Variants in ZNF287 observed in about 807,000 individuals in gnomAD.
ZNF287 encodes the protein zinc finger protein with KRAB and SCAN domains 13.
A neutral mutation model predicts 73.7 loss-of-function variants in ZNF287; 31 were observed. The ratio of observed to expected loss-of-function variants is 0.42; its 90% CI spans 0.32 to 0.57. The LOEUF is 0.57. Ranked by LOEUF, ZNF287 falls within the 20% of genes least tolerant of loss-of-function variation. The probability of loss-of-function intolerance (pLI) is 0.13; values close to 1 mark genes in which losing one functional copy is unlikely to be tolerated. For synonymous variants in ZNF287, 301 were observed against 307.2 expected, an observed-to-expected ratio of 0.98 and a Z score of 0.21; for missense variants, 641 against 909.3, an observed-to-expected ratio of 0.70 and a Z score of 3.79.
At position 16,567,375 on chromosome 17, in the gene ZNF287, T is replaced by C. The variant is rs548998354; in HGVS notation, c.357A>G (p.Glu119=). The C allele has an allele frequency of 1.4e-4, 226 of 1,614,160 alleles. 3 individuals carry two copies. The South Asian group carries it at 2.4e-3, about 17-fold the overall frequency. The change falls in exon 2 of 6, where the codon GAA becomes GAG. Residue 119 remains glutamate, a synonymous_variant. Coordinates refer to ENST00000395825, the MANE Select transcript of ZNF287 (RefSeq NM_020653.4). ...TCAAATCCTCCACCAGAGTCACTGCTTCCTCGCTGCTCTCTGGATACTGGG... is the reference window on the plus strand; with the variant it reads ...TCAAATCCTCCACCAGAGTCACTGCCTCCTCGCTGCTCTCTGGATACTGGG... ...VKSQYPESSE[E]AVTLVEDLTQ... is the part of the protein sequence containing the mutation.
chr17:16,567,969 G>A (rs1818867858), intron 1 of ZNF287, 40 bp from the exon 2 acceptor site: 12 of 1,384,484 alleles, frequency 8.7e-6, no homozygotes, highest in Non-Finnish European at 1.1e-5. Context: ...AGAATCCCTG[G>A]TGTACTCTAC....
Position 16,548,131 on chromosome 17 carries a change from A to G in ZNF287, c.*3725T>C, listed in dbSNP as rs942500585. Among the ~76,000 whole-genome samples, 27 of 152,330 alleles carry G rather than the reference A, an allele frequency of 1.8e-4. No homozygotes were observed. Among genetic ancestry groups the G allele is most frequent in the African/African-American group, 5.3e-4 (22 of 41,578 alleles). On this transcript the variant is annotated 3_prime_UTR_variant, in exon 6 of 6. Coordinates refer to ENST00000395825, the MANE Select transcript of ZNF287 (RefSeq NM_020653.4). The stretch of plus-strand genomic sequence containing the variant: ...ATTGATGAGACAATGGATTCAGGCA[A>G]CGATCACCGTTGGTTACTTTTTACC...
At position 16,551,973 on chromosome 17, in the gene ZNF287, C is replaced by G. The variant is rs150590736; in HGVS notation, c.2169G>C (p.Gln723His). 2 of 1,614,060 alleles carry G rather than the reference C, an allele frequency of 1.2e-6. No individual in the cohort carries two copies. The highest frequency in any genetic ancestry group is 1.7e-6 in the Non-Finnish European group (2 of 1,179,982). ...AGGGTTTCTCTCCTGTGTGAATTCT[C>G]TGGTGTTGAATAAGGCATGTTCTCT... Reference protein sequence around the residue: ...FSQRTCLIQHQRIHTGEKPYA... With the variant: ...FSQRTCLIQHHRIHTGEKPYA... The change falls in exon 6 of 6, where the codon CAG becomes CAC. Residue 723 changes from glutamine to histidine, a missense_variant. Coordinates refer to ENST00000395825, the MANE Select transcript of ZNF287 (RefSeq NM_020653.4).
At chr17:16,567,984 C>T in intron 1 of ZNF287, 55 bp from the exon 2 acceptor site, 1 of 1,310,938 alleles carries the variant, frequency 7.6e-7, no homozygotes, top group South Asian at 2.1e-5. Context: ...CTCTACTATA[C>T]ATATACACAC....
rs766160683 is a variant in ZNF287, at chr17:16,566,626, G to A, written c.404-4C>T. ...GAAAGGGTAGAGTTTTGAGGAGCTAGAGAAGAGAAAGAGGTCATGAGGGAG... is the reference window on the plus strand; with the variant it reads ...GAAAGGGTAGAGTTTTGAGGAGCTAAAGAAGAGAAAGAGGTCATGAGGGAG... On this transcript the variant is annotated splice_polypyrimidine_tract_variant and splice_region_variant and intron_variant, in intron 2 of 5. Coordinates refer to ENST00000395825, the MANE Select transcript of ZNF287 (RefSeq NM_020653.4). 6.2e-7 allele frequency: 1 copy of A among 1,608,346 alleles called. No individual in the cohort carries two copies. Among genetic ancestry groups the A allele is most frequent in the African/African-American group, 1.3e-5 (1 of 74,784 alleles).
At chr17:16,566,452 A>G in intron 3 of ZNF287, 73 bp downstream of exon 3, 1 of 1,275,796 alleles carries the variant, frequency 7.8e-7, no homozygotes. Flanking sequence ...CACAGTAGTT[A>G]TAGGGCCAGG....
chr17:16,551,110 T>C lies in ZNF287; in HGVS notation c.*746A>G, dbSNP rs1299685292. Among the ~76,000 whole-genome samples the C allele has an allele frequency of 2.0e-5, 3 of 152,204 alleles. 1 individual carries two copies. Among genetic ancestry groups the C allele is most frequent in the Admixed American group, 2.0e-4 (3 of 15,282 alleles). ...TCTTTAAGATACTTCCAACTGTTTT[T>C]TTTTCAAACCTACTGGCTCCATATG... On this transcript the variant is annotated 3_prime_UTR_variant, in exon 6 of 6. Coordinates refer to ENST00000395825, the MANE Select transcript of ZNF287 (RefSeq NM_020653.4).
chr17:16,552,381 AGTGTGAGTGGT>A lies in ZNF287; in HGVS notation c.1750_1760del (p.Thr584TrpfsTer8). On this transcript the variant is annotated frameshift_variant, in exon 6 of 6. Coordinates refer to ENST00000395825, the MANE Select transcript of ZNF287 (RefSeq NM_020653.4). LOFTEE classifies it high-confidence loss of function. This position sits in a 1 kb window ranked among gnomAD's most constrained non-coding sequence, Gnocchi z 6.5. ...TATTACATATATAGGATTTCTCTCC[AGTGTGAGTGGT>A]TTGATGTTGAATAAGGGTTGAGGAA... is the stretch of plus-strand genomic sequence containing the variant. 6.2e-7 allele frequency: 1 copy of A among 1,614,032 alleles called. No homozygotes were observed. The highest frequency in any genetic ancestry group is 8.5e-7 in the Non-Finnish European group (1 of 1,179,972).
rs1413456796 is a variant in ZNF287, at chr17:16,567,717, G to A, written c.15C>T (p.Ser5=). The A allele has an allele frequency of 2.5e-6, 4 of 1,610,186 alleles. No individual in the cohort carries two copies. The highest frequency in any genetic ancestry group is 4.5e-5 in the East Asian group (2 of 44,812). The change falls in exon 2 of 6, where the codon AGC becomes AGT. Residue 5 remains serine (S), a synonymous_variant. Coordinates refer to ENST00000395825, the MANE Select transcript of ZNF287 (RefSeq NM_020653.4). MLAS[S]KRMNSSSRSQ... ...AACGTGAAGAACTGTTCATCCTCTT[G>A]CTTGAGGCTAACATTGCTACAGACA...
At chr17:16,568,059 A>T in intron 1 of ZNF287, 130 bp from the exon 2 acceptor site, 1 of 879,942 alleles carries the variant, frequency 1.1e-6, no homozygotes. Flanking sequence ...TTCCTCCCCT[A>T]TATCCTTAGA....
intron 2 of ZNF287, 60 bp from the exon 3 acceptor site, chr17:16,566,682 C>T (rs1907763515): frequency 8.0e-7 from 1 of 1,245,844 alleles, no homozygotes; most frequent in Non-Finnish European, 1.1e-6. Flanking sequence ...CTAGGAAACC[C>T]CTCACCAAAT....
chr17:16,558,162 T>C (rs899484073), intron 5 of ZNF287: 2 of 152,234 alleles, frequency 1.3e-5, no homozygotes, highest in Non-Finnish European at 2.9e-5. Context: ...GTAGGTGTAT[T>C]TTGTATTTTG....
chr17:16,556,480 A>G lies in ZNF287; in HGVS notation c.716-3054T>C, dbSNP rs116464964. On this transcript the variant is annotated intron_variant, in intron 5 of 5. Coordinates refer to ENST00000395825, the MANE Select transcript of ZNF287 (RefSeq NM_020653.4). ...AATTTGCTATATTACTTTTGTTGCT[A>G]TTTAGTACTAGTAAGTAGTTATATT... Among the ~76,000 whole-genome samples the G allele has an allele frequency of 3.1e-3, 472 of 152,286 alleles. 3 individuals are homozygous for G. Among genetic ancestry groups the G allele is most frequent in the African/African-American group, 0.011 (450 of 41,564 alleles).
chr17:16,562,317 G>T (rs1401697635), intron 5 of ZNF287, among the ~76,000 whole-genome samples: 2 of 152,134 alleles, frequency 1.3e-5, no homozygotes, highest in Non-Finnish European at 2.9e-5. Flanking sequence ...AGTTAAAAAA[G>T]CAAGGTACAA....
chr17:16,568,653 A>G (rs1907894161), intron 1 of ZNF287: 1 of 152,376 alleles, frequency 6.6e-6, no homozygotes, highest in African/African-American at 2.4e-5. Context: ...TCGTGCCACC[A>G]AAGACAACTG....
intron 4 of ZNF287, 159 bp from the exon 5 acceptor site, chr17:16,563,391 T>TCG (rs1435190448): frequency 2.3e-5 from 14 of 606,636 alleles, no homozygotes; most frequent in African/African-American, 2.0e-4. Context: ...ATTGTTATCC[T>TCG]TTCAGAGACA....
In ZNF287 at chr17:16,560,308, G is replaced by GTATATATATA. The variant is rs1491315982; in HGVS notation, c.715+2837_715+2838insTATATATATA. On this transcript the variant is annotated intron_variant, in intron 5 of 5. Transcript: ENST00000395825. ...TTAAAATTTCCATTAGTCAACAGTG[G>GTATATATATA]TGTATATATATATATATATATATAT... Among the ~76,000 whole-genome samples the GTATATATATA allele has an allele frequency of 6.4e-4, 88 of 137,360 alleles. 1 individual carries two copies. Among genetic ancestry groups the GTATATATATA allele is most frequent in the African/African-American group, 2.3e-3 (86 of 36,944 alleles). 90.1% of individuals were successfully genotyped at this position (137,360 alleles called of 152,430 possible). A position where few individuals can be genotyped will look rare whatever the true frequency, so the allele number is the denominator to read the frequency against.
chr17:16,551,771 C>A lies in ZNF287; in HGVS notation c.*85G>T. 7.0e-7 allele frequency: 1 copy of A among 1,431,390 alleles called. No individual in the cohort carries two copies. The highest frequency in any genetic ancestry group is 1.4e-5 in the African/African-American group (1 of 70,098). 88.7% of individuals were successfully genotyped at this position (1,431,390 alleles called of 1,614,324 possible). A position where few individuals can be genotyped will look rare whatever the true frequency, so the allele number is the denominator to read the frequency against. On this transcript the variant is annotated 3_prime_UTR_variant, in exon 6 of 6. Transcript: ENST00000395825. Reference sequence around the variant, plus strand: ...ATCTAACATATTGCACTTCTTCAGACTTCTTCTGAATGTTCTGACACATAG... The same window carrying A: ...ATCTAACATATTGCACTTCTTCAGAATTCTTCTGAATGTTCTGACACATAG...
chr17:16,553,488 G>A lies in ZNF287; in HGVS notation c.716-62C>T. On this transcript the variant is annotated intron_variant, in intron 5 of 5. Coordinates refer to ENST00000395825, the MANE Select transcript of ZNF287 (RefSeq NM_020653.4). ...TTGGAGAAAGGAAACTGCCAAAATA[G>A]AAACAAAAGAATAAACATAGATAAA... 3 of 1,251,770 alleles carry A rather than the reference G, an allele frequency of 2.4e-6. 1 individual carries two copies. The South Asian group carries it at 6.0e-5, about 25-fold the overall frequency. 77.5% of individuals were successfully genotyped at this position (1,251,770 alleles called of 1,614,324 possible). A position where few individuals can be genotyped will look rare whatever the true frequency, so the allele number is the denominator to read the frequency against.
Sources: allele counts gnomAD v4.1 joint callset (sites outside exome capture counted in the v4.1 genomes callset), GRCh38; gene constraint gnomAD v4.1.1; non-coding constraint Gnocchi (gnomAD v3.1); transcripts MANE v1.5; gene names NCBI Gene and HGNC (gene_info 2026-07-23, HGNC 2026-07-21).